SLC9B2: variants seen among roughly 807,000 people sequenced by gnomAD.
SLC9B2 encodes the protein sodium/hydrogen exchanger 9B2.
In SLC9B2, 39 loss-of-function variants were observed where a neutral mutation model predicts 52.2. That is an observed-to-expected ratio of 0.75 (90% CI 0.58 to 0.98). The LOEUF (loss-of-function observed/expected upper bound fraction) is 0.98. SLC9B2 is among the 50% of genes least tolerant of loss of function. The pLI is 0.00. For missense variants in SLC9B2, 626 were observed against 637.5 expected (o/e 0.98, Z 0.19); for synonymous variants, 214 against 227.0 (o/e 0.94, Z 0.51).
rs1302637620 is a variant in SLC9B2 at position 103,057,839 on chromosome 4, A to G, written c.404T>C (p.Ile135Thr). The change falls in exon 4 of 12, where the codon ATT becomes ACT. Residue 135 changes from isoleucine to threonine, a missense_variant. Coordinates refer to ENST00000394785, the MANE Select transcript of SLC9B2 (RefSeq NM_178833.7). ...AIIGGKLLGL[I>T]KLPTLPPLPS... ...CAGTGGAGGCAATGTAGGTAACTTA[A>G]TAAGCCCCAAAAGTTTACCACCAAT... 1 of 1,613,914 alleles carries G rather than the reference A, an allele frequency of 6.2e-7. No homozygotes were observed. The highest frequency in any genetic ancestry group is 1.7e-5 in the Admixed American group (1 of 59,992).
chr4:103,027,530 C>T (rs1485918912), intron 11 of SLC9B2, among the ~76,000 whole-genome samples: 1 of 152,008 alleles, frequency 6.6e-6, no homozygotes, highest in Non-Finnish European at 1.5e-5. Flanking sequence ...CTTTTAGAGG[C>T]AAAATGCAAT....
chr4:103,041,359 CCTT>C (rs1358740255), intron 9 of SLC9B2, among the ~76,000 whole-genome samples: 1 of 152,134 alleles, frequency 6.6e-6, no homozygotes, highest in Non-Finnish European at 1.5e-5. Flanking sequence ...GTTACACTGA[CCTT>C]CTACATAGCA....
In SLC9B2 at chr4:103,035,935, A is replaced by G. The variant is rs186543009; in HGVS notation, c.1147-4127T>C. 8.5e-5 allele frequency among the ~76,000 whole-genome samples: 13 copies of G among 152,320 alleles called. No homozygotes were observed. In the East Asian group the frequency reaches 2.3e-3, roughly 27 times the overall value. On this transcript the variant is annotated intron_variant, in intron 9 of 11. Coordinates refer to ENST00000394785, the MANE Select transcript of SLC9B2 (RefSeq NM_178833.7). ...TGGTACATATACACCATAGAATACT[A>G]TGCAGATATGAAAAATGAAAAAAGC...
intron 1 of SLC9B2, among the ~76,000 whole-genome samples, chr4:103,072,827 TC>T (rs1174873907): frequency 1.3e-5 from 2 of 152,196 alleles, no homozygotes; most frequent in Admixed American, 6.5e-5. Flanking sequence ...TTTGTGTCCC[TC>T]CAAAATTCAG....
At chr4:103,050,057 T>C (rs1363124712) in intron 5 of SLC9B2, among the ~76,000 whole-genome samples, 183 bp downstream of exon 5, 1 of 152,010 alleles carries the variant, frequency 6.6e-6, no homozygotes, top group Admixed American at 6.6e-5. Context: ...TTTTGAGTTA[T>C]TGCAAACCAC....
At chr4:103,021,782 A>G (rs559313683), downstream of SLC9B2, among the ~76,000 whole-genome samples, 8 of 152,174 alleles carry the variant, frequency 5.3e-5, no homozygotes, top group African/African-American at 1.7e-4. Flanking sequence ...AATTCTCTTC[A>G]TCAATCTCAA....
chr4:103,034,842 T>C (rs1262394757), intron 9 of SLC9B2, among the ~76,000 whole-genome samples: 1 of 152,094 alleles, frequency 6.6e-6, no homozygotes, highest in African/African-American at 2.4e-5. Flanking sequence ...GTAAACTGGG[T>C]GACCAAATGT....
chr4:103,074,412 C>T (rs576301160), intron 1 of SLC9B2, among the ~76,000 whole-genome samples: 1 of 152,300 alleles, frequency 6.6e-6, no homozygotes, highest in Non-Finnish European at 1.5e-5. Context: ...GCAGAACCAT[C>T]CCTGAGAAGC....
intron 11 of SLC9B2, among the ~76,000 whole-genome samples, chr4:103,027,887 C>T (rs995451940): frequency 6.6e-6 from 1 of 152,102 alleles, no homozygotes; most frequent in Non-Finnish European, 1.5e-5. Flanking sequence ...CATACACATC[C>T]CCCAAAGCCT....
At chr4:103,027,405 T>C (rs1742320000) in intron 11 of SLC9B2, among the ~76,000 whole-genome samples, 1 of 152,214 alleles carries the variant, frequency 6.6e-6, no homozygotes, top group South Asian at 2.1e-4. Context: ...AGTGGACACC[T>C]TGACAACTTG....
intron 3 of SLC9B2, among the ~76,000 whole-genome samples, chr4:103,063,645 T>G (rs887211903): frequency 6.6e-6 from 1 of 152,154 alleles, no homozygotes; most frequent in African/African-American, 2.4e-5. Context: ...GAGCAATAAC[T>G]TTTTGGATAT....
chr4:103,047,250 T>C, intron 6 of SLC9B2, 24 bp from the exon 7 acceptor site: 1 of 1,586,006 alleles, frequency 6.3e-7, no homozygotes, highest in Non-Finnish European at 8.6e-7. Context: ...ATTTTAAACA[T>C]TTATGATAAC....
chr4:103,071,598 C>T (rs1212234379), intron 1 of SLC9B2, among the ~76,000 whole-genome samples: 1 of 151,890 alleles, frequency 6.6e-6, no homozygotes, highest in Non-Finnish European at 1.5e-5. Context: ...AGGATGGTCT[C>T]GATCTCTTGA....
intron 1 of SLC9B2, among the ~76,000 whole-genome samples, chr4:103,069,796 C>T (rs1455775171): frequency 6.6e-6 from 1 of 152,194 alleles, no homozygotes; most frequent in Non-Finnish European, 1.5e-5. Flanking sequence ...TCATCAAATT[C>T]TCAAAATCAG....
chr4:103,068,967 C>A (rs1280593033), intron 1 of SLC9B2, among the ~76,000 whole-genome samples: 1 of 152,108 alleles, frequency 6.6e-6, no homozygotes, highest in East Asian at 1.9e-4. Context: ...CCACAACCAC[C>A]CCCATTTTTC....
At position 103,050,691 on chromosome 4, in the gene SLC9B2, C is replaced by T. The variant is rs898924104; in HGVS notation, c.443-309G>A. Reference sequence around the variant, plus strand: ...ATAAAATGTTTTAATACAATGCCAGCTCAGTCAGCCCTTTGCGTGCAAACA... The same window carrying T: ...ATAAAATGTTTTAATACAATGCCAGTTCAGTCAGCCCTTTGCGTGCAAACA... On this transcript the variant is annotated intron_variant, in intron 4 of 11. Transcript: ENST00000394785. 1.3e-5 allele frequency among the ~76,000 whole-genome samples: 2 copies of T among 152,334 alleles called. 1 individual carries two copies. Among genetic ancestry groups the T allele is most frequent in the Middle Eastern group, 6.8e-3 (2 of 294 alleles).
In SLC9B2 at chr4:103,023,343, A is replaced by G. The variant is rs1355230942; in HGVS notation, c.*3027T>C. ...AAAAAAGTGTTACATGTGCTCTGACATAAGTATGTATAAGGGACCCAAAAG... is the reference window on the plus strand; with the variant it reads ...AAAAAAGTGTTACATGTGCTCTGACGTAAGTATGTATAAGGGACCCAAAAG... On this transcript the variant is annotated 3_prime_UTR_variant, in exon 12 of 12. Coordinates refer to ENST00000394785, the MANE Select transcript of SLC9B2 (RefSeq NM_178833.7). 6.6e-6 allele frequency among the ~76,000 whole-genome samples: 1 copy of G among 152,242 alleles called. No individual in the cohort carries two copies. The highest frequency in any genetic ancestry group is 1.5e-5 in the Non-Finnish European group (1 of 68,038).
intron 7 of SLC9B2, among the ~76,000 whole-genome samples, chr4:103,045,962 A>G (rs548656019): frequency 2.8e-4 from 43 of 152,352 alleles, no homozygotes; most frequent in Non-Finnish European, 5.3e-4. Flanking sequence ...CATTAAAAAT[A>G]GGAGTATGAA....
chr4:103,031,623 T>C lies in SLC9B2; in HGVS notation c.1255+77A>G, dbSNP rs917014884. The C allele has an allele frequency of 3.5e-5, 36 of 1,032,334 alleles. No homozygotes were observed. In the Middle Eastern group the frequency reaches 1.2e-3, roughly 36 times the overall value. The allele number at this position is 1,032,334 out of a possible 1,614,324, so 63.9% of individuals were successfully genotyped here. ...CCTGCTGGAGATATTTCAATGAATATAAAAAGTAGACTTTATTGGTGAGTA... is the reference window on the plus strand; with the variant it reads ...CCTGCTGGAGATATTTCAATGAATACAAAAAGTAGACTTTATTGGTGAGTA... On this transcript the variant is annotated intron_variant, in intron 10 of 11. Coordinates refer to ENST00000394785, the MANE Select transcript of SLC9B2 (RefSeq NM_178833.7).
Sources: gnomAD v4.1 joint callset for allele counts (sites outside exome capture counted in the v4.1 genomes callset) on GRCh38, gnomAD v4.1.1 for gene constraint, MANE v1.5 for transcripts, NCBI Gene and HGNC (gene_info 2026-07-23, HGNC 2026-07-21) for gene names.